The following BTBD7 variants were observed in gnomAD, a reference collection of about 807,000 sequenced individuals.
BTBD7 encodes BTB/POZ domain-containing protein 7.
A neutral mutation model predicts 99.9 loss-of-function variants in BTBD7; 38 were observed. The observed-to-expected ratio is 0.38, with a 90% CI of 0.29 to 0.50. The LOEUF is 0.50. BTBD7 is among the 20% of genes least tolerant of loss of function. The pLI is 0.93. For missense variants in BTBD7, 1,170 were observed against 1,394.6 expected (o/e 0.84, Z 2.57); for synonymous variants, 520 against 511.4 (o/e 1.02, Z -0.23).
chr14:93,251,955 C>T (rs543502961), intron 7 of BTBD7, among the ~76,000 whole-genome samples: 3 of 152,082 alleles, frequency 2.0e-5, no homozygotes, highest in Admixed American at 6.6e-5. Context: ...TATAATAAAA[C>T]AATGTATACA....
chr14:93,294,725 T>A lies in BTBD7; in HGVS notation c.295A>T (p.Asn99Tyr), dbSNP rs769810347. 1 of 1,614,062 alleles carries A rather than the reference T, an allele frequency of 6.2e-7. No homozygotes were observed. Among genetic ancestry groups the A allele is most frequent in the Non-Finnish European group, 8.5e-7 (1 of 1,180,016 alleles). The change falls in exon 3 of 11, where the codon AAT (asparagine) becomes TAT (tyrosine). Residue 99 changes from asparagine to tyrosine, a missense_variant. Around this residue, in one of 4 missense-constraint regions of BTBD7, gnomAD observed 359 missense variants for 497.9 expected, o/e 0.72. Transcript: ENST00000334746. ...LLSGWDVRDV[N>Y]ALVEEYEGTS... is the part of the protein sequence containing the mutation. ...CCCTCATATTCCTCCACTAATGCAT[T>A]GACATCTCTAACATCCCACCCAGAG...
At chr14:93,321,361 G>A (rs577601122) in intron 1 of BTBD7, among the ~76,000 whole-genome samples, 1 of 152,224 alleles carries the variant, frequency 6.6e-6, no homozygotes, top group Non-Finnish European at 1.5e-5. Context: ...CAGAGGCCTA[G>A]GCGGGTGGAT....
At chr14:93,331,684 C>T (rs1023420159) in intron 1 of BTBD7, among the ~76,000 whole-genome samples, 5 of 152,208 alleles carry the variant, frequency 3.3e-5, no homozygotes, top group Non-Finnish European at 7.4e-5. Flanking sequence ...AGCTCGAGAC[C>T]AGTCTGGCCA....
intron 3 of BTBD7, among the ~76,000 whole-genome samples, chr14:93,284,012 A>C (rs1347909858): frequency 1.3e-5 from 2 of 152,240 alleles, no homozygotes; most frequent in African/African-American, 4.8e-5. Context: ...AGAATTTCCA[A>C]GTTACTTTAA....
At position 93,261,191 on chromosome 14, in the gene BTBD7, C is replaced by T. The variant is rs1211863477; in HGVS notation, c.1447+411G>A. Among the ~76,000 whole-genome samples, 6 of 152,292 alleles carry T rather than the reference C, an allele frequency of 3.9e-5. No individual in the cohort carries two copies. The South Asian group carries it at 1.0e-3, about 26-fold the overall frequency. ...CACATAACACAAAATTTATTTAAAA[C>T]ATTTTAAAGCGTACCATTCAGTGGC... On this transcript the variant is annotated intron_variant, in intron 5 of 10. Transcript: ENST00000334746.
At position 93,245,877 on chromosome 14, in the gene BTBD7, G is replaced by A. The variant is rs746305889; in HGVS notation, c.2531C>T (p.Thr844Ile). Residue 844 changes from threonine (T) to isoleucine (I), a missense_variant, in exon 10 of 11, where the codon ACC becomes ATC. Thr to Ile is a moderately conservative substitution (Grantham distance 89). Transcript: ENST00000334746. ...TGCTGCTGTTGCTGTTGAGGTGGTG[G>A]TGGCGGCAGCAGCAGCCACCGTCTG... is the stretch of plus-strand genomic sequence containing the variant. Reference protein sequence around the residue: ...GRQTVAAAAATTTSTATAAAA... With the variant: ...GRQTVAAAAAITTSTATAAAA... 8 of 1,613,234 alleles carry A rather than the reference G, an allele frequency of 5.0e-6. No homozygotes were observed. In the South Asian group the frequency reaches 8.8e-5, roughly 18 times the overall value.
chr14:93,292,314 T>C (rs1240308071), intron 3 of BTBD7, among the ~76,000 whole-genome samples: 1 of 152,104 alleles, frequency 6.6e-6, no homozygotes, highest in Non-Finnish European at 1.5e-5. Context: ...TTTTTGGTAA[T>C]GTTGCAAACT....
At chr14:93,315,692 CATG>C (rs2053194212) in intron 1 of BTBD7, among the ~76,000 whole-genome samples, 1 of 152,190 alleles carries the variant, frequency 6.6e-6, no homozygotes, top group Non-Finnish European at 1.5e-5. Context: ...TTCACTTTAG[CATG>C]ATGTTTTCAA....
At chr14:93,298,643 C>T (rs11621084) in intron 1 of BTBD7, among the ~76,000 whole-genome samples, 25,455 of 151,850 alleles carry the variant, frequency 0.17, 2,366 homozygotes, top group East Asian at 0.31. Context: ...GAATACTCAA[C>T]GTGTATTACA....
At chr14:93,292,733 T>G (rs1355733255) in intron 3 of BTBD7, among the ~76,000 whole-genome samples, 1 of 152,194 alleles carries the variant, frequency 6.6e-6, no homozygotes, top group Non-Finnish European at 1.5e-5. Context: ...CACAGCTCAC[T>G]GCAGCCCTGA....
chr14:93,305,475 T>A (rs533337808), intron 1 of BTBD7, among the ~76,000 whole-genome samples: 1 of 152,168 alleles, frequency 6.6e-6, no homozygotes, highest in African/African-American at 2.4e-5. Flanking sequence ...AGGTCTCTTA[T>A]GAAAAACAAG....
At chr14:93,252,746 A>T (rs1018201528) in intron 7 of BTBD7, among the ~76,000 whole-genome samples, 4 of 151,900 alleles carry the variant, frequency 2.6e-5, no homozygotes, top group Non-Finnish European at 2.9e-5. Context: ...TGTCTGTTAA[A>T]TTTACTTCAG....
intron 1 of BTBD7, among the ~76,000 whole-genome samples, chr14:93,327,480 C>T (rs1329713141): frequency 6.6e-6 from 1 of 152,196 alleles, no homozygotes; most frequent in African/African-American, 2.4e-5. Flanking sequence ...AAAACATCAA[C>T]TTCATGATAA....
At chr14:93,266,794 C>G (rs1053298194) in intron 3 of BTBD7, among the ~76,000 whole-genome samples, 1 of 152,160 alleles carries the variant, frequency 6.6e-6, no homozygotes, top group Non-Finnish European at 1.5e-5. Context: ...TGTCTTTATT[C>G]CAAGCACTAA....
At position 93,257,372 on chromosome 14, in the gene BTBD7, GAA is replaced by G. The variant is rs772613015; in HGVS notation, c.1448-19_1448-18del. 2.1e-5 allele frequency: 33 copies of G among 1,583,348 alleles called. 1 individual carries two copies. Among genetic ancestry groups the G allele is most frequent in the Non-Finnish European group, 2.5e-5 (29 of 1,168,154 alleles). On this transcript the variant is annotated intron_variant, in intron 5 of 10. Coordinates refer to ENST00000334746, the MANE Select transcript of BTBD7 (RefSeq NM_001002860.4). The stretch of plus-strand genomic sequence containing the variant: ...AGTTTGGCTCTATGAGACAGAAAAT[GAA>G]AAGTTTCCAACCAAATCCAAATGTT...
At chr14:93,315,093 T>TAAGAAGGA (rs2053183761) in intron 1 of BTBD7, among the ~76,000 whole-genome samples, 1 of 152,186 alleles carries the variant, frequency 6.6e-6, no homozygotes, top group Non-Finnish European at 1.5e-5. Context: ...TCCTTCTTAC[T>TAAGAAGGA]GCAAACATTT....
intron 3 of BTBD7, among the ~76,000 whole-genome samples, chr14:93,275,541 A>C (rs1240225596): frequency 1.3e-5 from 2 of 152,236 alleles, no homozygotes; most frequent in Non-Finnish European, 1.5e-5. Context: ...AACAGTGGTC[A>C]CTTAACAGAA....
In BTBD7 at chr14:93,302,628, C is replaced by T. The variant is rs747594665; in HGVS notation, c.-106-6471G>A. On this transcript the variant is annotated intron_variant, in intron 1 of 10. Coordinates refer to ENST00000334746, the MANE Select transcript of BTBD7 (RefSeq NM_001002860.4). ...TTGGGAGGCCGAGGCGGGCGGATCA[C>T]GAGGTCAGGAGTTCGAGACCAGCCT... Among the ~76,000 whole-genome samples the T allele has an allele frequency of 2.0e-5, 3 of 152,066 alleles. No homozygotes were observed. In the East Asian group the frequency reaches 5.8e-4, roughly 29 times the overall value.
chr14:93,330,440 T>C (rs763849601), intron 1 of BTBD7, among the ~76,000 whole-genome samples: 1 of 152,138 alleles, frequency 6.6e-6, no homozygotes, highest in Non-Finnish European at 1.5e-5. Context: ...CCAGCTCAAA[T>C]CCGAAGTTTC....
Sources: allele counts gnomAD v4.1 joint callset (sites outside exome capture counted in the v4.1 genomes callset), GRCh38; gene constraint gnomAD v4.1.1; regional missense constraint gnomAD v4.1.1; transcripts MANE v1.5; gene names NCBI Gene and HGNC (gene_info 2026-07-23, HGNC 2026-07-21).